Variants in ACSM3 observed in about 807,000 individuals in gnomAD.
ACSM3 encodes acyl-CoA synthetase medium chain family member 3.
Under a neutral mutation model 74.1 loss-of-function variants are expected in ACSM3, and 61 were observed. The ratio of observed to expected loss-of-function variants is 0.82; its 90% CI spans 0.67 to 1.02. ACSM3 has a LOEUF of 1.02. Ranked by LOEUF, ACSM3 falls within the 50% of genes least tolerant of loss-of-function variation. ACSM3 has a pLI of 0.00. For synonymous variants in ACSM3, 213 were observed against 241.5 expected (o/e 0.88, Z 1.09); for missense variants, 660 against 697.0 (o/e 0.95, Z 0.60).
intron 1 of ACSM3, among the ~76,000 whole-genome samples, chr16:20,714,723 A>G (rs1448465907): frequency 6.6e-6 from 1 of 152,148 alleles, no homozygotes; most frequent in Non-Finnish European, 1.5e-5. Context: ...CGATGTTAGG[A>G]TAATAAGTTT....
intron 1 of ACSM3, among the ~76,000 whole-genome samples, chr16:20,726,499 C>A (rs189055506): frequency 1.3e-5 from 2 of 152,370 alleles, no homozygotes; most frequent in East Asian, 3.9e-4. Flanking sequence ...ATCTTGCTCA[C>A]ATTTCAATAG....
chr16:20,748,849 C>T (rs1168427782), intron 1 of ACSM3, among the ~76,000 whole-genome samples: 1 of 152,004 alleles, frequency 6.6e-6, no homozygotes, highest in Admixed American at 6.6e-5. Flanking sequence ...GTCAGGAGTT[C>T]GAGACTAGCC....
At chr16:20,719,540 T>G (rs1407454554) in intron 1 of ACSM3, among the ~76,000 whole-genome samples, 1 of 152,096 alleles carries the variant, frequency 6.6e-6, no homozygotes, top group South Asian at 2.1e-4. Flanking sequence ...GCTTTTGAAA[T>G]GTGTTTAACA....
intron 3 of ACSM3, among the ~76,000 whole-genome samples, chr16:20,776,478 G>C (rs2080257331): frequency 6.6e-6 from 1 of 152,152 alleles, no homozygotes; most frequent in African/African-American, 2.4e-5. Context: ...ATTGTGAAGT[G>C]AATGCTTTCC....
chr16:20,759,240 G>C (rs2152441943), upstream of ACSM3, among the ~76,000 whole-genome samples: 1 of 152,306 alleles, frequency 6.6e-6, no homozygotes, highest in African/African-American at 2.4e-5. Flanking sequence ...TAATCAGTCA[G>C]GCCTGTGTAA....
At chr16:20,704,187 T>C (rs185474738) in intron 1 of ACSM3, among the ~76,000 whole-genome samples, 285 of 152,328 alleles carry the variant, frequency 1.9e-3, no homozygotes, top group Admixed American at 9.8e-4. Flanking sequence ...GGCAGCTATA[T>C]AATATGGACT....
intron 1 of ACSM3, among the ~76,000 whole-genome samples, chr16:20,713,236 C>G (rs919856633): frequency 1.3e-5 from 2 of 152,102 alleles, no homozygotes; most frequent in Non-Finnish European, 2.9e-5. Context: ...AGCTGAATGC[C>G]TGGCATAGAG....
At chr16:20,789,990 G>T (rs568466690) in intron 9 of ACSM3, among the ~76,000 whole-genome samples, 1 of 151,602 alleles carries the variant, frequency 6.6e-6, no homozygotes, top group African/African-American at 2.4e-5. Flanking sequence ...CCTATTTTTC[G>T]ATTTATCTAT....
At chr16:20,771,571 C>A (rs868510615) in intron 2 of ACSM3, among the ~76,000 whole-genome samples, 3 of 151,994 alleles carry the variant, frequency 2.0e-5, no homozygotes, top group Admixed American at 6.6e-5. Flanking sequence ...GAATTTCATT[C>A]TTTTTTATGG....
rs940729000 is a variant in ACSM3, at chr16:20,797,337, A to C, written c.*365A>C. The C allele has an allele frequency of 3.0e-6, 3 of 1,006,904 alleles. No homozygotes were observed. The African/African-American group carries it at 5.2e-5, about 17-fold the overall frequency. The allele number at this position is 1,006,904 out of a possible 1,614,324, so 62.4% of individuals were successfully genotyped here. A position where few individuals can be genotyped will look rare whatever the true frequency, so the allele number is the denominator to read the frequency against. On this transcript the variant is annotated 3_prime_UTR_variant, in exon 14 of 14. Coordinates refer to ENST00000289416, the MANE Select transcript of ACSM3 (RefSeq NM_005622.4). ...ATATACAAATCAGAACCAATGTTCA[A>C]GCCTGAAATAAAACTAAAGAACTTA...
intron 1 of ACSM3, chr16:20,711,597 A>G: frequency 7.9e-7 from 1 of 1,263,302 alleles, no homozygotes; most frequent in Non-Finnish European, 1.1e-6. Context: ...AGTCCATTGC[A>G]CTGGAGTGTC....
intron 4 of ACSM3, among the ~76,000 whole-genome samples, chr16:20,777,906 G>C (rs1357853870): frequency 6.6e-6 from 1 of 152,208 alleles, no homozygotes; most frequent in Non-Finnish European, 1.5e-5. Context: ...TCCCTACAAA[G>C]CTTTCAGTCA....
chr16:20,768,328 AT>A, intron 1 of ACSM3, among the ~76,000 whole-genome samples: 1 of 152,238 alleles, frequency 6.6e-6, no homozygotes, highest in Non-Finnish European at 1.5e-5. Flanking sequence ...TAGCCAGTGT[AT>A]TTAACCATCA....
At chr16:20,718,113 G>A (rs2079772312) in intron 1 of ACSM3, among the ~76,000 whole-genome samples, 1 of 150,624 alleles carries the variant, frequency 6.6e-6, no homozygotes, top group Non-Finnish European at 1.5e-5. Context: ...AAAAGGAGAA[G>A]AAGAAGAAGA....
At chr16:20,757,618 A>G (rs1051675395) in intron 3 of ACSM3, among the ~76,000 whole-genome samples, 9 of 149,120 alleles carry the variant, frequency 6.0e-5, no homozygotes, top group Non-Finnish European at 1.2e-4. Context: ...CTAATTGAAT[A>G]CCCTTTATTT....
At chr16:20,736,028 C>T (rs2079866028) in intron 1 of ACSM3, 1 of 152,086 alleles carries the variant, frequency 6.6e-6, no homozygotes, top group South Asian at 2.1e-4. Flanking sequence ...TTTGATAGTC[C>T]AAAAGCCATT....
intron 1 of ACSM3, among the ~76,000 whole-genome samples, chr16:20,687,111 G>A (rs1333750361): frequency 6.6e-6 from 1 of 151,614 alleles, no homozygotes; most frequent in Admixed American, 6.6e-5. Context: ...TGTTTACAAT[G>A]TTCTGGCTTG....
chr16:20,699,840 T>G (rs1224353902), intron 1 of ACSM3, among the ~76,000 whole-genome samples: 1 of 152,178 alleles, frequency 6.6e-6, no homozygotes, highest in Non-Finnish European at 1.5e-5. Context: ...AATTTTCTCA[T>G]CTTTAACAAG....
intron 1 of ACSM3, chr16:20,718,339 A>G (rs1040584328): frequency 3.4e-6 from 3 of 871,542 alleles, no homozygotes; most frequent in Non-Finnish European, 4.7e-6. Flanking sequence ...GGGTCCATCC[A>G]TATTTTGCAG....
Sources: gnomAD v4.1 joint callset for allele counts (sites outside exome capture counted in the v4.1 genomes callset) on GRCh38, gnomAD v4.1.1 for gene constraint, MANE v1.5 for transcripts, NCBI Gene and HGNC (gene_info 2026-07-23, HGNC 2026-07-21) for gene names.